DENND4B: variants seen among roughly 807,000 people sequenced by gnomAD.
DENND4B encodes DENN domain-containing protein 4B.
Under a neutral mutation model 161.0 loss-of-function variants are expected in DENND4B, and 67 were observed. The ratio of observed to expected loss-of-function variants is 0.42; its 90% CI spans 0.34 to 0.51. The LOEUF is 0.51. DENND4B is among the 20% of genes least tolerant of loss of function. The pLI is 0.08. For missense variants in DENND4B, 1,481 were observed against 1,968.0 expected (o/e 0.75, Z 4.68); for synonymous variants, 753 against 813.8 (o/e 0.93, Z 1.27).
rs745568917 is a variant in DENND4B at position 153,944,196 on chromosome 1, T to A, written c.179A>T (p.Glu60Val). The change falls in exon 2 of 28, where the codon GAA (glutamate) becomes GTA (valine). Residue 60 changes from glutamate to valine, a missense_variant. By Grantham distance (121) the Glu-to-Val change is moderately radical (BLOSUM62 -2). Transcript: ENST00000361217. This position sits in a 1 kb window ranked among gnomAD's most constrained non-coding sequence, Gnocchi z 4.8. Reference protein sequence around the residue: ...VAVIARALGEEVPQGYTCIQA... With the variant: ...VAVIARALGEVVPQGYTCIQA... ...GATGCATGTGTAGCCCTGGGGCACT[T>A]CCTCGCCCAGTGCCCTAGCGATGAC... 3.1e-6 allele frequency: 5 copies of A among 1,611,438 alleles called. No individual in the cohort carries two copies. The highest frequency in any genetic ancestry group is 4.2e-6 in the Non-Finnish European group (5 of 1,178,832).
At chr1:153,935,041 G>T in intron 17 of DENND4B, 77 bp from the exon 18 acceptor site, 4 of 1,571,832 alleles carry the variant, frequency 2.5e-6, no homozygotes, top group South Asian at 2.3e-5. Context: ...CTGTCTTGGA[G>T]CCCCAGGGAC....
chr1:153,940,302 G>A lies in DENND4B; in HGVS notation c.1503-46C>T. 1 of 1,566,996 alleles carries A rather than the reference G, an allele frequency of 6.4e-7. No homozygotes were observed. Among genetic ancestry groups the A allele is most frequent in the Non-Finnish European group, 8.7e-7 (1 of 1,153,728 alleles). Reference sequence around the variant, plus strand: ...GAAAGAGTGGCGAGGCTCTGGGATAGGGTGACGGGGTTCCTTGCCAGCCTC... The same window carrying A: ...GAAAGAGTGGCGAGGCTCTGGGATAAGGTGACGGGGTTCCTTGCCAGCCTC... On this transcript the variant is annotated intron_variant, in intron 10 of 27. Coordinates refer to ENST00000361217, the MANE Select transcript of DENND4B (RefSeq NM_014856.3). The surrounding 1 kb of genome is among the most constrained non-coding windows in gnomAD (Gnocchi z 5.6).
chr1:153,944,297 A>G lies in DENND4B; in HGVS notation c.78T>C (p.Pro26=). ...AGLAGNGAPI[P]EETWVPEPSG... ...TGGGTTCAGGAACCCACGTTTCCTC[A>G]GGGATGGGTGCTCCGTTCCCTGCAA... is the stretch of plus-strand genomic sequence containing the variant. Residue 26 remains proline (P), a synonymous_variant, in exon 2 of 28, where the codon CCT becomes CCC. Transcript: ENST00000361217. The surrounding 1 kb of genome is among the most constrained non-coding windows in gnomAD (Gnocchi z 4.8). 1 of 1,605,156 alleles carries G rather than the reference A, an allele frequency of 6.2e-7. No homozygotes were observed. The highest frequency in any genetic ancestry group is 8.5e-7 in the Non-Finnish European group (1 of 1,175,022).
chr1:153,937,824 C>G lies in DENND4B; in HGVS notation c.2005G>C (p.Val669Leu), dbSNP rs1284372778. ...CTTCCTGACAGCTCCTCTAGCTCCA[C>G]TAAGGGTGTCGGCTCAGGCTTCTCC... is the stretch of plus-strand genomic sequence containing the variant. ...EQEKPEPTPL[V>L]ELEELSGSEL... The change falls in exon 14 of 28, where the codon GTG becomes CTG. Residue 669 changes from valine (V) to leucine (L), a missense_variant. Physicochemically the swap from Val to Leu is conservative, Grantham distance 32. Transcript: ENST00000361217. The surrounding 1 kb of genome is among the most constrained non-coding windows in gnomAD (Gnocchi z 4.7). The G allele has an allele frequency of 1.2e-6, 2 of 1,613,964 alleles. No individual in the cohort carries two copies. Among genetic ancestry groups the G allele is most frequent in the Non-Finnish European group, 1.7e-6 (2 of 1,179,860 alleles).
chr1:153,933,317 G>A lies in DENND4B; in HGVS notation c.3333C>T (p.Ser1111=). Residue 1111 remains serine, a splice_region_variant and synonymous_variant, in exon 21 of 28, where the codon AGC becomes AGT. Coordinates refer to ENST00000361217, the MANE Select transcript of DENND4B (RefSeq NM_014856.3). The surrounding 1 kb of genome is among the most constrained non-coding windows in gnomAD (Gnocchi z 5.7). ...CCCACTCACTGCCCAGAGAGGCTGA[G>A]CTCTACCATGACATGAGAAACCATG... is the stretch of plus-strand genomic sequence containing the variant. The part of the protein sequence containing the change: ...RERPGSTASE[S]SASLGSEWDL... 6.2e-7 allele frequency: 1 copy of A among 1,613,494 alleles called. No homozygotes were observed. Among genetic ancestry groups the A allele is most frequent in the Non-Finnish European group, 8.5e-7 (1 of 1,179,664 alleles).
chr1:153,943,607 G>A (rs1222211062), intron 2 of DENND4B, among the ~76,000 whole-genome samples: 1 of 150,432 alleles, frequency 6.6e-6, no homozygotes, highest in South Asian at 2.1e-4. Flanking sequence ...GAACCCAGGA[G>A]GCGAAGGTTG....
rs1323896583 is a variant in DENND4B, at chr1:153,932,831, C to T, written c.3623+30G>A. The T allele has an allele frequency of 1.2e-6, 2 of 1,613,444 alleles. No homozygotes were observed. Among genetic ancestry groups the T allele is most frequent in the Admixed American group, 1.7e-5 (1 of 59,990 alleles). ...TTTTGGACCTTCACCTCCCTATTCCCACCCACAGCACTTGCCCTGCCTTGG... is the reference window on the plus strand; with the variant it reads ...TTTTGGACCTTCACCTCCCTATTCCTACCCACAGCACTTGCCCTGCCTTGG... On this transcript the variant is annotated intron_variant, in intron 22 of 27. Coordinates refer to ENST00000361217, the MANE Select transcript of DENND4B (RefSeq NM_014856.3). This position sits in a 1 kb window ranked among gnomAD's most constrained non-coding sequence, Gnocchi z 5.8.
Position 153,930,300 on chromosome 1 carries a change from G to T in DENND4B, c.4488C>A (p.Cys1496Ter), listed in dbSNP as rs1287408397. Reference protein sequence around the residue: ...CRKCFGAPPEC With the variant: ...CRKCFGAPPE Reference sequence around the variant, plus strand: ...TGGAGAGGGAAGCTTAAGGTCTCTAGCATTCTGGAGGTGCTCCAAAACATT... The same window carrying T: ...TGGAGAGGGAAGCTTAAGGTCTCTATCATTCTGGAGGTGCTCCAAAACATT... The change falls in exon 28 of 28, where the codon TGC (cysteine) becomes TGA (stop). Residue 1496 changes from cysteine to a stop codon, truncating the protein, a stop_gained. Transcript: ENST00000361217. LOFTEE classifies it high-confidence loss of function. The surrounding 1 kb of genome is among the most constrained non-coding windows in gnomAD (Gnocchi z 4.7). 1 of 1,613,410 alleles carries T rather than the reference G, an allele frequency of 6.2e-7. No individual in the cohort carries two copies. Among genetic ancestry groups the T allele is most frequent in the African/African-American group, 1.3e-5 (1 of 75,056 alleles).
chr1:153,946,555 C>T lies in DENND4B; in HGVS notation c.-278G>A, dbSNP rs1679985023. 1 of 389,584 alleles carries T rather than the reference C, an allele frequency of 2.6e-6. No individual in the cohort carries two copies. 24.1% of individuals were successfully genotyped at this position (389,584 alleles called of 1,614,324 possible). ...GCGGGGACTGTGCTGCCGCGCTGCT[C>T]GCTCGGCCGGCTCGGTCCTCCCAGC... On this transcript the variant is annotated 5_prime_UTR_variant, in exon 1 of 28. Coordinates refer to ENST00000361217, the MANE Select transcript of DENND4B (RefSeq NM_014856.3). This position sits in a 1 kb window ranked among gnomAD's most constrained non-coding sequence, Gnocchi z 6.3.
Position 153,940,367 on chromosome 1 carries a change from C to T in DENND4B, c.1502+64G>A, listed in dbSNP as rs1679597270. 1.9e-6 allele frequency: 3 copies of T among 1,583,668 alleles called. No individual in the cohort carries two copies. The highest frequency in any genetic ancestry group is 2.6e-6 in the Non-Finnish European group (3 of 1,163,044). ...TGAAGCTCTTTTTGAGCCCGTAGCA[C>T]TCCACACACTAGCCCATTCCTGCCC... On this transcript the variant is annotated intron_variant, in intron 10 of 27. Coordinates refer to ENST00000361217, the MANE Select transcript of DENND4B (RefSeq NM_014856.3). The surrounding 1 kb of genome is among the most constrained non-coding windows in gnomAD (Gnocchi z 5.6).
Position 153,932,927 on chromosome 1 carries a change from G to A in DENND4B, c.3557C>T (p.Thr1186Ile). The A allele has an allele frequency of 4.3e-6, 7 of 1,614,032 alleles. No homozygotes were observed. The highest frequency in any genetic ancestry group is 5.9e-6 in the Non-Finnish European group (7 of 1,179,894). Reference protein sequence around the residue: ...WAPDDSNLNTTCPFCACPFVP... With the variant: ...WAPDDSNLNTICPFCACPFVP... Reference sequence around the variant, plus strand: ...AAAGGGGCAGGCGCAGAAGGGGCAGGTTGTGTTGAGGTTAGAGTCATCAGG... The same window carrying A: ...AAAGGGGCAGGCGCAGAAGGGGCAGATTGTGTTGAGGTTAGAGTCATCAGG... Residue 1186 changes from threonine (T) to isoleucine (I), a missense_variant, in exon 22 of 28, where the codon ACC becomes ATC. This residue lies in a region of DENND4B where 336 missense variants were observed against 503.3 expected (regional missense o/e 0.67). Transcript: ENST00000361217. This position sits in a 1 kb window ranked among gnomAD's most constrained non-coding sequence, Gnocchi z 5.8.
At chr1:153,931,102 C>T (rs769527145) in intron 24 of DENND4B, 38 bp from the exon 25 acceptor site, 20 of 1,523,580 alleles carry the variant, frequency 1.3e-5, no homozygotes, top group African/African-American at 5.5e-5. Flanking sequence ...TTAGGCTCAA[C>T]GAATGGGAGG....
chr1:153,932,873 T>C lies in DENND4B; in HGVS notation c.3611A>G (p.Asp1204Gly). 6.2e-7 allele frequency: 1 copy of C among 1,613,834 alleles called. No individual in the cohort carries two copies. Among genetic ancestry groups the C allele is most frequent in the Non-Finnish European group, 8.5e-7 (1 of 1,179,830 alleles). Residue 1204 changes from aspartate to glycine, a missense_variant, in exon 22 of 28, where the codon GAT becomes GGT. Physicochemically the swap from Asp to Gly is moderately conservative, Grantham distance 94. Coordinates refer to ENST00000361217, the MANE Select transcript of DENND4B (RefSeq NM_014856.3). The surrounding 1 kb of genome is among the most constrained non-coding windows in gnomAD (Gnocchi z 5.8). Reference protein sequence around the residue: ...FVPLLSVQTLDSRPSVPSPKS... With the variant: ...FVPLLSVQTLGSRPSVPSPKS... Reference sequence around the variant, plus strand: ...CTGCCTTGGGCACCTGGGCCGGGAATCAAGGGTCTGGACACTGAGCAGGGG... The same window carrying C: ...CTGCCTTGGGCACCTGGGCCGGGAACCAAGGGTCTGGACACTGAGCAGGGG...
At position 153,942,143 on chromosome 1, in the gene DENND4B, G is replaced by A. The variant is rs1365198620; in HGVS notation, c.811-30C>T. The A allele has an allele frequency of 1.2e-6, 2 of 1,613,920 alleles. No individual in the cohort carries two copies. Among genetic ancestry groups the A allele is most frequent in the Non-Finnish European group, 1.7e-6 (2 of 1,179,854 alleles). ...CAGGGGGCAGAAGGGTAGTCAGGCA[G>A]GCCCTGCATAGCCTGGACCCCTTGC... On this transcript the variant is annotated intron_variant, in intron 5 of 27. Coordinates refer to ENST00000361217, the MANE Select transcript of DENND4B (RefSeq NM_014856.3). This position sits in a 1 kb window ranked among gnomAD's most constrained non-coding sequence, Gnocchi z 6.9.
Position 153,937,498 on chromosome 1 carries a change from C to CGGCGAG in DENND4B, c.2216_2221dup (p.Pro739_Arg740dup). On this transcript the variant is annotated inframe_insertion, in exon 15 of 28. Coordinates refer to ENST00000361217, the MANE Select transcript of DENND4B (RefSeq NM_014856.3). The surrounding 1 kb of genome is among the most constrained non-coding windows in gnomAD (Gnocchi z 4.7). ...CCACCCACTGCTTACCTGTTTGGTA[C>CGGCGAG]GGCGAGGAGCAGGACTGCTGGGGGC... 1 of 1,559,642 alleles carries CGGCGAG rather than the reference C, an allele frequency of 6.4e-7. No individual in the cohort carries two copies. Among genetic ancestry groups the CGGCGAG allele is most frequent in the Non-Finnish European group, 8.7e-7 (1 of 1,151,870 alleles).
At position 153,940,850 on chromosome 1, in the gene DENND4B, C is replaced by A; in HGVS notation, c.1326+54G>T. ...GGAAGAGTCCAGGCAGGGATAGGGG[C>A]ACCAGAAAGAACCATGGTTCTGGGG... On this transcript the variant is annotated intron_variant, in intron 9 of 27. Transcript: ENST00000361217. The surrounding 1 kb of genome is among the most constrained non-coding windows in gnomAD (Gnocchi z 5.6). 6.6e-7 allele frequency: 1 copy of A among 1,526,662 alleles called. No individual in the cohort carries two copies. Among genetic ancestry groups the A allele is most frequent in the Non-Finnish European group, 8.8e-7 (1 of 1,140,876 alleles). 94.6% of individuals were successfully genotyped at this position (1,526,662 alleles called of 1,614,324 possible).
chr1:153,941,775 G>GGGGGGGGGCC, intron 6 of DENND4B, 94 bp downstream of exon 6: 2 of 1,338,170 alleles, frequency 1.5e-6, no homozygotes, highest in Non-Finnish European at 2.1e-6. Flanking sequence ...CCTGTGCCCA[G>GGGGGGGGGCC]CCCTCCCCCC....
At position 153,929,903 on chromosome 1, in the gene DENND4B, C is replaced by T. The variant is rs1678804115; in HGVS notation, c.*394G>A. On this transcript the variant is annotated 3_prime_UTR_variant, in exon 28 of 28. Transcript: ENST00000361217. ...GACCATTATTGGTGGAGAATGACAT[C>T]CCTACCTCCCATTCAGGGCAAAGGC... 5.8e-6 allele frequency: 1 copy of T among 172,024 alleles called. No homozygotes were observed. The highest frequency in any genetic ancestry group is 2.4e-5 in the African/African-American group (1 of 41,962). 10.7% of individuals were successfully genotyped at this position (172,024 alleles called of 1,614,324 possible).
chr1:153,935,736 G>T, intron 17 of DENND4B: 1 of 291,626 alleles, frequency 3.4e-6, no homozygotes, highest in East Asian at 9.4e-5. Context: ...TCTTCTATAA[G>T]ATGGGGATAA....
Sources: gnomAD v4.1 joint callset for allele counts (sites outside exome capture counted in the v4.1 genomes callset) on GRCh38, gnomAD v4.1.1 for gene constraint, gnomAD v4.1.1 regional missense constraint, Gnocchi (gnomAD v3.1) non-coding constraint, MANE v1.5 for transcripts, NCBI Gene and HGNC (gene_info 2026-07-23, HGNC 2026-07-21) for gene names.